RPS14: variants seen among roughly 807,000 people sequenced by gnomAD.
RPS14 encodes the protein small ribosomal subunit protein uS11.
In RPS14, 1 loss-of-function variant was observed where a neutral mutation model predicts 15.4. The ratio of observed to expected loss-of-function variants is 0.07; its 90% CI spans 0.02 to 0.31. RPS14 has a LOEUF of 0.31. Among genes scored for constraint, RPS14 ranks in the 10% least tolerant of loss-of-function variants. The pLI, the probability that RPS14 is intolerant of heterozygous loss-of-function variation, is 1.00. For synonymous variants in RPS14, 68 were observed against 74.4 expected, an observed-to-expected ratio of 0.91 and a Z score of 0.44; for missense variants, 69 against 205.5, an observed-to-expected ratio of 0.34 and a Z score of 4.06.
chr5:150,448,365 A>C (rs1431501205), intron 1 of RPS14: 2 of 152,294 alleles, frequency 1.3e-5, no homozygotes, highest in Non-Finnish European at 2.9e-5. Flanking sequence ...CCATCTCAGA[A>C]ATCTGATGGG....
intron 2 of RPS14, 158 bp from the exon 3 acceptor site, chr5:150,447,121 T>C (rs1385607502): frequency 2.8e-6 from 2 of 714,424 alleles, no homozygotes; most frequent in Non-Finnish European, 4.7e-6. Context: ...AATGGCCCAA[T>C]ATAGCTATAC....
At chr5:150,447,012 C>CT in intron 2 of RPS14, 49 bp from the exon 3 acceptor site, 1 of 1,595,714 alleles carries the variant, frequency 6.3e-7, no homozygotes, top group Non-Finnish European at 8.6e-7. Flanking sequence ...ACAAGGAGTG[C>CT]TTACGATATC....
intron 4 of RPS14, among the ~76,000 whole-genome samples, chr5:150,444,985 T>C (rs578166526): frequency 4.8e-4 from 73 of 152,360 alleles, no homozygotes; most frequent in African/African-American, 1.6e-3. Flanking sequence ...ATTGTGCCAC[T>C]GAATTCCAGC....
Position 150,449,722 on chromosome 5 carries a change from T to C in RPS14, c.-22A>G, listed in dbSNP as rs1347322296. ...TCCTACCTGCACGTCGTCTCCAGAC[T>C]CCACACCGGAAAGAGAGAGTGGGAG... On this transcript the variant is annotated 5_prime_UTR_variant, in exon 1 of 5. Transcript: ENST00000407193. 1 of 152,116 alleles carries C rather than the reference T, an allele frequency of 6.6e-6. No individual in the cohort carries two copies. Among genetic ancestry groups the C allele is most frequent in the Non-Finnish European group, 1.5e-5 (1 of 68,104 alleles). 9.4% of individuals were successfully genotyped at this position (152,116 alleles called of 1,614,324 possible).
chr5:150,448,938 G>A (rs1771185357), intron 1 of RPS14: 1 of 152,270 alleles, frequency 6.6e-6, no homozygotes, highest in Admixed American at 6.5e-5. Flanking sequence ...CGCCACAGGA[G>A]AGAAGCCCAA....
intron 2 of RPS14, 109 bp from the exon 3 acceptor site, chr5:150,447,072 A>C (rs769513560): frequency 1.9e-5 from 25 of 1,339,508 alleles, no homozygotes; most frequent in Non-Finnish European, 2.6e-5. Context: ...GATGATGGTC[A>C]TGGGCTCTGC....
intron 2 of RPS14, chr5:150,447,380 A>G (rs908901250): frequency 1.2e-4 from 75 of 601,116 alleles, no homozygotes; most frequent in Non-Finnish European, 1.9e-4. Context: ...TTCAATGACC[A>G]TCACGCTGTA....
In RPS14 at chr5:150,444,115, C is replaced by G. The variant is rs1235161722; in HGVS notation, c.*171G>C. On this transcript the variant is annotated 3_prime_UTR_variant, in exon 5 of 5. Transcript: ENST00000407193. Reference sequence around the variant, plus strand: ...TGCCGCAAGTAGCATGGAAAAGACCCCAAATGCAGCACCAGGATCTCAGCT... The same window carrying G: ...TGCCGCAAGTAGCATGGAAAAGACCGCAAATGCAGCACCAGGATCTCAGCT... 9.8e-7 allele frequency: 1 copy of G among 1,023,632 alleles called. No homozygotes were observed. The highest frequency in any genetic ancestry group is 1.3e-6 in the Non-Finnish European group (1 of 751,052). 63.4% of individuals were successfully genotyped at this position (1,023,632 alleles called of 1,614,324 possible). A position where few individuals can be genotyped will look rare whatever the true frequency, so the allele number is the denominator to read the frequency against.
At chr5:150,448,279 G>T (rs1385668472) in intron 1 of RPS14, 1 of 152,448 alleles carries the variant, frequency 6.6e-6, no homozygotes, top group African/African-American at 2.4e-5. Flanking sequence ...CAACTATTTA[G>T]AACTAAATCT....
At chr5:150,444,542 T>C (rs1771031531) in intron 4 of RPS14, 189 bp from the exon 5 acceptor site, 2 of 677,932 alleles carry the variant, frequency 3.0e-6, no homozygotes, top group Non-Finnish European at 5.4e-6. Flanking sequence ...CCTGACGTGG[T>C]CTTAACTCAC....
chr5:150,447,522 C>T (rs562137047), intron 2 of RPS14, 63 bp downstream of exon 2: 7 of 1,528,304 alleles, frequency 4.6e-6, no homozygotes, highest in Middle Eastern at 2.3e-4. Flanking sequence ...ACTGCTAGCC[C>T]GTCCCAGCCA....
chr5:150,444,416 C>A, intron 4 of RPS14, 63 bp from the exon 5 acceptor site: 1 of 1,406,450 alleles, frequency 7.1e-7, no homozygotes, highest in Non-Finnish European at 1.0e-6. Context: ...CCAGGACTCC[C>A]TAGACCAATG....
chr5:150,444,907 C>T (rs1359395905), intron 4 of RPS14, among the ~76,000 whole-genome samples: 1 of 151,890 alleles, frequency 6.6e-6, no homozygotes, highest in East Asian at 1.9e-4. Flanking sequence ...CCCAGCTACT[C>T]AGTAGATGCA....
In RPS14 at chr5:150,442,728, C is replaced by T. The variant is rs1734864399; in HGVS notation, c.*1558G>A. On this transcript the variant is annotated 3_prime_UTR_variant, in exon 5 of 5. Coordinates refer to ENST00000407193, the MANE Select transcript of RPS14 (RefSeq NM_005617.4). The stretch of plus-strand genomic sequence containing the variant: ...ACTTATTTAGTTTTTGAGATAGGAT[C>T]TTGCTCTGTGACCCAGGCTGAATGT... The T allele has an allele frequency of 2.6e-5, 4 of 151,318 alleles. No individual in the cohort carries two copies. In the South Asian group the frequency reaches 8.3e-4, roughly 31 times the overall value. 9.4% of individuals were successfully genotyped at this position (151,318 alleles called of 1,614,324 possible). A position where few individuals can be genotyped will look rare whatever the true frequency, so the allele number is the denominator to read the frequency against.
chr5:150,448,491 G>GA (rs1771170144), intron 1 of RPS14: 1 of 152,240 alleles, frequency 6.6e-6, no homozygotes, highest in Non-Finnish European at 1.5e-5. Flanking sequence ...GAATGAATGA[G>GA]AAAGTGGAAG....
Position 150,446,777 on chromosome 5 carries a change from C to T in RPS14, c.311+25G>A. On this transcript the variant is annotated intron_variant, in intron 3 of 4. Transcript: ENST00000407193. The surrounding 1 kb of genome is among the most constrained non-coding windows in gnomAD (Gnocchi z 4.2). ...CAAGCCCAGCAGGTTTTCTACCACC[C>T]AGCCATCCCCTCTGCGACTCGTACC... The T allele has an allele frequency of 6.2e-7, 1 of 1,605,954 alleles. No individual in the cohort carries two copies. Among genetic ancestry groups the T allele is most frequent in the Non-Finnish European group, 8.5e-7 (1 of 1,175,072 alleles).
chr5:150,448,707 T>A (rs1364580708), intron 1 of RPS14: 2 of 152,372 alleles, frequency 1.3e-5, no homozygotes, highest in African/African-American at 4.8e-5. Context: ...AGCCCAGCAC[T>A]CTCTGCCTCC....
rs562256088 is a variant in RPS14, at chr5:150,443,012, C to A, written c.*1274G>T. On this transcript the variant is annotated 3_prime_UTR_variant, in exon 5 of 5. Transcript: ENST00000407193. ...TGTGCCCTGCCTTTATCCTATTTCA[C>A]TAGTTTTTATACTAATACCCTATTC... The A allele has an allele frequency of 6.6e-6, 1 of 152,262 alleles. No homozygotes were observed. Among genetic ancestry groups the A allele is most frequent in the African/African-American group, 2.4e-5 (1 of 41,540 alleles). 9.4% of individuals were successfully genotyped at this position (152,262 alleles called of 1,614,324 possible).
Position 150,444,128 on chromosome 5 carries a change from C to A in RPS14, c.*158G>T. On this transcript the variant is annotated 3_prime_UTR_variant, in exon 5 of 5. Transcript: ENST00000407193. ...ATGGAAAAGACCCCAAATGCAGCAC[C>A]AGGATCTCAGCTCTCCTCAGGCTCC... The A allele has an allele frequency of 8.8e-7, 1 of 1,134,110 alleles. No homozygotes were observed. Among genetic ancestry groups the A allele is most frequent in the Non-Finnish European group, 1.2e-6 (1 of 842,914 alleles). The allele number at this position is 1,134,110 out of a possible 1,614,324, so 70.3% of individuals were successfully genotyped here. A position where few individuals can be genotyped will look rare whatever the true frequency, so the allele number is the denominator to read the frequency against.
Sources: gnomAD v4.1 joint callset for allele counts (sites outside exome capture counted in the v4.1 genomes callset) on GRCh38, gnomAD v4.1.1 for gene constraint, Gnocchi (gnomAD v3.1) non-coding constraint, MANE v1.5 for transcripts, NCBI Gene and HGNC (gene_info 2026-07-23, HGNC 2026-07-21) for gene names.